Variants in ATP6V0A4 observed in about 807,000 individuals in gnomAD.
The protein encoded by ATP6V0A4 is ATPase H+ transporting V0 subunit a4, also known as V-type proton ATPase 116 kDa subunit a 4.
A neutral mutation model predicts 107.3 loss-of-function variants in ATP6V0A4; 86 were observed. That is an observed-to-expected ratio of 0.80 (90% CI 0.67 to 0.96). ATP6V0A4 has a LOEUF of 0.96. Among genes scored for constraint, ATP6V0A4 ranks in the 40% least tolerant of loss-of-function variants. The probability of loss-of-function intolerance (pLI) is 0.00; values close to 1 mark genes in which losing one functional copy is unlikely to be tolerated. For synonymous variants in ATP6V0A4, 353 were observed against 381.4 expected (o/e 0.93, Z 0.87); for missense variants, 908 against 1,045.6 (o/e 0.87, Z 1.81).
intron 2 of ATP6V0A4, among the ~76,000 whole-genome samples, chr7:138,782,827 C>A (rs1214637126): frequency 2.6e-5 from 4 of 152,136 alleles, no homozygotes; most frequent in African/African-American, 7.2e-5. Context: ...GTAATCCCAG[C>A]ATTTTGGGAG....
intron 1 of ATP6V0A4, among the ~76,000 whole-genome samples, chr7:138,795,343 C>T (rs1464234721): frequency 6.6e-6 from 1 of 152,158 alleles, no homozygotes; most frequent in Non-Finnish European, 1.5e-5. Context: ...TTATCCCCCT[C>T]CTCCACATCC....
chr7:138,734,733 G>A (rs1370773986), intron 15 of ATP6V0A4, among the ~76,000 whole-genome samples: 4 of 141,460 alleles, frequency 2.8e-5, no homozygotes, highest in East Asian at 4.3e-4. Context: ...AGCTGAGATC[G>A]CACCATTGTA....
chr7:138,738,715 TAAG>T (rs758559810), intron 15 of ATP6V0A4, among the ~76,000 whole-genome samples: 1 of 152,000 alleles, frequency 6.6e-6, no homozygotes, highest in Non-Finnish European at 1.5e-5. Context: ...CAGGAAAACT[TAAG>T]AGGAGGTGAC....
intron 1 of ATP6V0A4, among the ~76,000 whole-genome samples, chr7:138,788,395 T>C (rs1808260111): frequency 6.6e-6 from 1 of 152,162 alleles, no homozygotes; most frequent in Admixed American, 6.5e-5. Context: ...CTTCCAACTG[T>C]TTATTAACTT....
intron 18 of ATP6V0A4, among the ~76,000 whole-genome samples, chr7:138,724,138 A>G (rs1368848740): frequency 2.1e-5 from 3 of 144,750 alleles, no homozygotes; most frequent in Non-Finnish European, 4.5e-5. Flanking sequence ...TGAAGTGAGC[A>G]GTGTTTGCGC....
chr7:138,715,973 TG>T, intron 19 of ATP6V0A4, 92 bp from the exon 20 acceptor site: 1 of 1,537,912 alleles, frequency 6.5e-7, no homozygotes, highest in Non-Finnish European at 8.9e-7. Flanking sequence ...ACATGGGCTT[TG>T]CTGTTCAGAC....
At position 138,726,114 on chromosome 7, in the gene ATP6V0A4, C is replaced by T. The variant is rs183290438; in HGVS notation, c.2010+2647G>A. Among the ~76,000 whole-genome samples the T allele has an allele frequency of 4.1e-3, 626 of 152,154 alleles. 5 individuals carry two copies. Among genetic ancestry groups the T allele is most frequent in the African/African-American group, 0.013 (556 of 41,518 alleles). The stretch of plus-strand genomic sequence containing the variant: ...AGGCCATTCTCCTGCCTCAGCCTCC[C>T]GAGTAGCTGGGACTACAGGCGCCCG... On this transcript the variant is annotated intron_variant, in intron 18 of 21. Coordinates refer to ENST00000310018, the MANE Select transcript of ATP6V0A4 (RefSeq NM_020632.3).
At chr7:138,763,719 C>T (rs1232430800) in intron 5 of ATP6V0A4, among the ~76,000 whole-genome samples, 1 of 151,510 alleles carries the variant, frequency 6.6e-6, no homozygotes, top group Non-Finnish European at 1.5e-5. Context: ...GGCACGGTGG[C>T]TCATCCTGTA....
chr7:138,763,966 CA>C (rs1403231996), intron 5 of ATP6V0A4, among the ~76,000 whole-genome samples: 13 of 128,172 alleles, frequency 1.0e-4, no homozygotes, highest in African/African-American at 2.0e-4. Context: ...GACTCTGTCT[CA>C]AAAAAAAAAT....
intron 18 of ATP6V0A4, among the ~76,000 whole-genome samples, chr7:138,723,068 A>G (rs922544980): frequency 6.6e-6 from 1 of 151,624 alleles, no homozygotes; most frequent in Non-Finnish European, 1.5e-5. Context: ...AAAAAAAAAA[A>G]AAAAGAAAAA....
At chr7:138,772,250 A>G (rs543483275) in intron 2 of ATP6V0A4, among the ~76,000 whole-genome samples, 1 of 152,352 alleles carries the variant, frequency 6.6e-6, no homozygotes, top group East Asian at 1.9e-4. Flanking sequence ...ATTTATCCAG[A>G]TAGACCTGGA....
chr7:138,786,658 G>A (rs892648830), intron 1 of ATP6V0A4, among the ~76,000 whole-genome samples: 4 of 151,872 alleles, frequency 2.6e-5, no homozygotes, highest in Admixed American at 2.6e-4. Flanking sequence ...CCTAAGGAGA[G>A]AGAGAGAGAC....
Position 138,711,194 on chromosome 7 carries a change from CG to C in ATP6V0A4, c.2258-1400del, listed in dbSNP as rs1478875664. On this transcript the variant is annotated intron_variant, in intron 20 of 21. Coordinates refer to ENST00000310018, the MANE Select transcript of ATP6V0A4 (RefSeq NM_020632.3). ...ATGGAGTCTCTCAAAGGCTGACAGT[CG>C]GGGAATGTTTTAAAAGGCCCTGAGG... Among the ~76,000 whole-genome samples, 5 of 152,038 alleles carry C rather than the reference CG, an allele frequency of 3.3e-5. No homozygotes were observed. In the East Asian group the frequency reaches 5.8e-4, roughly 18 times the overall value.
chr7:138,770,157 A>C (rs937727330), intron 3 of ATP6V0A4, among the ~76,000 whole-genome samples: 1 of 152,118 alleles, frequency 6.6e-6, no homozygotes, highest in African/African-American at 2.4e-5. Flanking sequence ...AGTGAAAAAA[A>C]CCCACAGCAT....
At chr7:138,744,350 G>A (rs926437653) in intron 14 of ATP6V0A4, among the ~76,000 whole-genome samples, 2 of 148,444 alleles carry the variant, frequency 1.3e-5, no homozygotes, top group African/African-American at 5.0e-5. Flanking sequence ...CAGTTCTCGT[G>A]CCTTGGCCTC....
intron 1 of ATP6V0A4, among the ~76,000 whole-genome samples, chr7:138,797,556 T>C (rs1030624707): frequency 2.0e-5 from 3 of 151,990 alleles, no homozygotes; most frequent in Non-Finnish European, 4.4e-5. Context: ...CATCAGCAGA[T>C]GTGGCCTCCA....
chr7:138,757,349 C>G (rs1354992318), intron 8 of ATP6V0A4, among the ~76,000 whole-genome samples: 1 of 152,004 alleles, frequency 6.6e-6, no homozygotes, highest in Non-Finnish European at 1.5e-5. Flanking sequence ...AACCCCATCT[C>G]TACAAAAAAT....
chr7:138,791,099 C>G (rs1808390778), intron 1 of ATP6V0A4, among the ~76,000 whole-genome samples: 1 of 151,924 alleles, frequency 6.6e-6, no homozygotes, highest in Non-Finnish European at 1.5e-5. Context: ...ATTATATCCC[C>G]TCTGTTTATG....
intron 2 of ATP6V0A4, among the ~76,000 whole-genome samples, chr7:138,782,505 G>A (rs1214751896): frequency 6.6e-6 from 1 of 152,186 alleles, no homozygotes; most frequent in African/African-American, 2.4e-5. Flanking sequence ...AACCCATAAT[G>A]AGGGAGAGGC....
Sources: gnomAD v4.1 joint callset for allele counts (sites outside exome capture counted in the v4.1 genomes callset) on GRCh38, gnomAD v4.1.1 for gene constraint, MANE v1.5 for transcripts, NCBI Gene and HGNC (gene_info 2026-07-23, HGNC 2026-07-21) for gene names.